Variants in HINT3 observed in about 807,000 individuals in gnomAD.
HINT3 encodes the protein histidine triad nucleotide binding protein 3, also known as adenosine 5'-monophosphoramidase HINT3.
HINT3 carries 16 observed loss-of-function variants against 19.1 expected under a neutral mutation model. The ratio of observed to expected loss-of-function variants is 0.84; its 90% CI spans 0.57 to 1.27. The LOEUF is 1.27. Among genes scored for constraint, HINT3 ranks in the 50% most tolerant of loss-of-function variants. The pLI is 0.00. For synonymous variants in HINT3, 75 were observed against 84.8 expected, an observed-to-expected ratio of 0.88 and a Z score of 0.63; for missense variants, 197 against 225.8, an observed-to-expected ratio of 0.87 and a Z score of 0.82.
chr6:125,966,800 G>C (rs1428586307), intron 1 of HINT3, 87 bp from the exon 2 acceptor site: 1 of 819,630 alleles, frequency 1.2e-6, no homozygotes, highest in Non-Finnish European at 1.9e-6. Flanking sequence ...TTCCCTGTCA[G>C]ACTGAGATTA....
At chr6:125,975,788 G>A (rs1789171362) in intron 4 of HINT3, among the ~76,000 whole-genome samples, 1 of 152,106 alleles carries the variant, frequency 6.6e-6, no homozygotes, top group Admixed American at 6.5e-5. Context: ...ATGTTGGCCA[G>A]GCTGGTCTCT....
intron 4 of HINT3, 131 bp downstream of exon 4, chr6:125,975,104 C>T (rs1789162898): frequency 2.8e-6 from 2 of 702,328 alleles, no homozygotes; most frequent in African/African-American, 1.8e-5. Flanking sequence ...ATACTGCTTG[C>T]ACATATCCAA....
At chr6:125,970,753 C>T (rs1433617691) in intron 2 of HINT3, among the ~76,000 whole-genome samples, 1 of 152,172 alleles carries the variant, frequency 6.6e-6, no homozygotes, top group South Asian at 2.1e-4. Context: ...CCAAAGTTGA[C>T]CATATTCCGA....
intron 2 of HINT3, among the ~76,000 whole-genome samples, chr6:125,971,003 A>G (rs1228428188): frequency 1.3e-5 from 2 of 152,212 alleles, no homozygotes; most frequent in African/African-American, 4.8e-5. Context: ...GTAAGTCTCA[A>G]TATATCAGCT....
chr6:125,971,539 A>G (rs1172065411), intron 2 of HINT3, among the ~76,000 whole-genome samples: 1 of 151,596 alleles, frequency 6.6e-6, no homozygotes, highest in African/African-American at 2.4e-5. Context: ...TTTTTATTTT[A>G]TTTATTTATT....
intron 2 of HINT3, among the ~76,000 whole-genome samples, chr6:125,967,654 A>T (rs1789038390): frequency 6.6e-6 from 1 of 152,092 alleles, no homozygotes; most frequent in South Asian, 2.1e-4. Context: ...TTTTTAAATG[A>T]TGGACTTTCT....
intron 3 of HINT3, among the ~76,000 whole-genome samples, chr6:125,972,988 A>T (rs1478110974): frequency 6.6e-6 from 1 of 151,128 alleles, no homozygotes; most frequent in Non-Finnish European, 1.5e-5. Flanking sequence ...ACACATGATT[A>T]TAATTCTAAC....
chr6:125,962,189 C>T lies in HINT3; in HGVS notation c.202-4698C>T, dbSNP rs62426374. On this transcript the variant is annotated intron_variant, in intron 1 of 4. Coordinates refer to ENST00000229633, the MANE Select transcript of HINT3 (RefSeq NM_138571.5). ...ATATATATATATATATATATATACA[C>T]ATATATATATATATATATATACACA... is the stretch of plus-strand genomic sequence containing the variant. 3.3e-4 allele frequency among the ~76,000 whole-genome samples: 21 copies of T among 64,288 alleles called. 1 individual carries two copies. Among genetic ancestry groups the T allele is most frequent in the African/African-American group, 1.1e-3 (10 of 9,178 alleles). 42.2% of individuals were successfully genotyped at this position (64,288 alleles called of 152,430 possible).
At chr6:125,957,426 G>A (rs1308312912) in intron 1 of HINT3, among the ~76,000 whole-genome samples, 1 of 152,218 alleles carries the variant, frequency 6.6e-6, no homozygotes, top group Non-Finnish European at 1.5e-5. Flanking sequence ...TGGCTCCAGC[G>A]GTATCTTTGC....
At chr6:125,962,149 C>CATAT (rs1366165521) in intron 1 of HINT3, among the ~76,000 whole-genome samples, 2 of 38,646 alleles carry the variant, frequency 5.2e-5, no homozygotes, top group East Asian at 5.4e-3. Context: ...GATGGAAACC[C>CATAT]ATATATATAT....
At chr6:125,975,019 A>T (rs1320249173) in intron 4 of HINT3, 46 bp downstream of exon 4, 1 of 1,587,290 alleles carries the variant, frequency 6.3e-7, no homozygotes, top group Non-Finnish European at 8.6e-7. Context: ...TATTTAAAAT[A>T]TCCTTTTCAT....
At chr6:125,962,943 G>A (rs185553264) in intron 1 of HINT3, among the ~76,000 whole-genome samples, 1 of 152,096 alleles carries the variant, frequency 6.6e-6, no homozygotes, top group South Asian at 2.1e-4. Flanking sequence ...GTCTTAAAAG[G>A]CTCATTAGAT....
At chr6:125,976,991 TAC>T (rs1317993635) in intron 4 of HINT3, among the ~76,000 whole-genome samples, 1 of 152,182 alleles carries the variant, frequency 6.6e-6, no homozygotes, top group Non-Finnish European at 1.5e-5. Context: ...CCTCCACATG[TAC>T]AGTTTCCTCA....
intron 1 of HINT3, among the ~76,000 whole-genome samples, 181 bp downstream of exon 1, chr6:125,957,359 C>T (rs773765395): frequency 1.2e-4 from 18 of 152,230 alleles, no homozygotes; most frequent in African/African-American, 4.1e-4. Context: ...CACTACGGGC[C>T]TTTCTGCAGG....
chr6:125,956,991 A>G lies in HINT3; in HGVS notation c.14A>G (p.Gln5Arg), dbSNP rs1240302901. 1 of 1,550,158 alleles carries G rather than the reference A, an allele frequency of 6.5e-7. No homozygotes were observed. Among genetic ancestry groups the G allele is most frequent in the Non-Finnish European group, 8.7e-7 (1 of 1,146,758 alleles). MAEE[Q>R]VNRSAGLAPD... ...GGGGCGGGTGCAATGGCGGAGGAAC[A>G]GGTGAACCGCAGCGCCGGCCTGGCC... The change falls in exon 1 of 5, where the codon CAG becomes CGG. Residue 5 changes from glutamine to arginine, a missense_variant. Coordinates refer to ENST00000229633, the MANE Select transcript of HINT3 (RefSeq NM_138571.5).
In HINT3 at chr6:125,978,324, A is replaced by C. The variant is rs1789205342; in HGVS notation, c.*648A>C. 1 of 152,110 alleles carries C rather than the reference A, an allele frequency of 6.6e-6. No individual in the cohort carries two copies. Among genetic ancestry groups the C allele is most frequent in the African/African-American group, 2.4e-5 (1 of 41,446 alleles). The allele number at this position is 152,110 out of a possible 1,614,324, so 9.4% of individuals were successfully genotyped here. A position where few individuals can be genotyped will look rare whatever the true frequency, so the allele number is the denominator to read the frequency against. Reference sequence around the variant, plus strand: ...ATCAATGAATTTACAATAACTATCAAATTGGCTATCAGAATTCACTGTAAT... The same window carrying C: ...ATCAATGAATTTACAATAACTATCACATTGGCTATCAGAATTCACTGTAAT... On this transcript the variant is annotated 3_prime_UTR_variant, in exon 5 of 5. Coordinates refer to ENST00000229633, the MANE Select transcript of HINT3 (RefSeq NM_138571.5).
chr6:125,959,681 G>C (rs1036992850), intron 1 of HINT3, among the ~76,000 whole-genome samples: 12 of 152,192 alleles, frequency 7.9e-5, no homozygotes, highest in African/African-American at 2.7e-4. Context: ...GAAAGGTAGT[G>C]GTAGCTACAG....
chr6:125,959,622 A>T (rs1325107488), intron 1 of HINT3, among the ~76,000 whole-genome samples: 4 of 152,258 alleles, frequency 2.6e-5, no homozygotes, highest in Non-Finnish European at 5.9e-5. Context: ...GAGTGAAGAC[A>T]GCAAATACAG....
rs1413649035 is a variant in HINT3 at position 125,957,042 on chromosome 6, C to A, written c.65C>A (p.Ala22Glu). The A allele has an allele frequency of 1.4e-5, 21 of 1,550,658 alleles. No individual in the cohort carries two copies. The highest frequency in any genetic ancestry group is 1.7e-5 in the Non-Finnish European group (19 of 1,146,882). The stretch of plus-strand genomic sequence containing the variant: ...CCCGACTGTGAGGCCTCGGCGACTG[C>A]AGAAACTACGGTTTCCTCAGTGGGG... ...LAPDCEASATAETTVSSVGTC... is the reference protein window; with the variant it reads ...LAPDCEASATEETTVSSVGTC... Residue 22 changes from alanine to glutamate, a missense_variant, in exon 1 of 5, where the codon GCA becomes GAA. Physicochemically the swap from Ala to Glu is moderately radical, Grantham distance 107 (BLOSUM62 -1). Coordinates refer to ENST00000229633, the MANE Select transcript of HINT3 (RefSeq NM_138571.5).
Sources: gnomAD v4.1 joint callset for allele counts (sites outside exome capture counted in the v4.1 genomes callset) on GRCh38, gnomAD v4.1.1 for gene constraint, MANE v1.5 for transcripts, NCBI Gene and HGNC (gene_info 2026-07-23, HGNC 2026-07-21) for gene names.